The following ENOX1 variants were observed in gnomAD, a reference collection of about 807,000 sequenced individuals.
The protein encoded by ENOX1 is candidate growth-related and time keeping constitutive hydroquinone (NADH) oxidase.
Under a neutral mutation model 82.5 loss-of-function variants are expected in ENOX1, and 42 were observed. The observed-to-expected ratio is 0.51, with a 90% CI of 0.40 to 0.66. ENOX1 has a LOEUF of 0.66. ENOX1 is among the 30% of genes least tolerant of loss of function. ENOX1 has a pLI of 0.00. For synonymous variants in ENOX1, 271 were observed against 282.2 expected (o/e 0.96, Z 0.40); for missense variants, 608 against 811.6 (o/e 0.75, Z 3.05).
At chr13:43,248,185 G>A (rs909327849) in intron 14 of ENOX1, among the ~76,000 whole-genome samples, 4 of 151,452 alleles carry the variant, frequency 2.6e-5, no homozygotes, top group Non-Finnish European at 5.9e-5. Context: ...GCGCCCGGCC[G>A]CAACTTATAT....
chr13:43,785,861 G>A (rs1471340811), intron 1 of ENOX1, among the ~76,000 whole-genome samples: 1 of 152,190 alleles, frequency 6.6e-6, no homozygotes, highest in East Asian at 1.9e-4. Context: ...GGGGGAGGAC[G>A]TGGGGTGGTC....
chr13:43,477,550 G>A (rs1468907627), intron 3 of ENOX1, among the ~76,000 whole-genome samples: 2 of 152,152 alleles, frequency 1.3e-5, no homozygotes, highest in Admixed American at 6.5e-5. Context: ...GAGACTTACT[G>A]TAGAAGAAAA....
At chr13:43,615,934 T>C (rs2082390002) in intron 2 of ENOX1, among the ~76,000 whole-genome samples, 1 of 151,692 alleles carries the variant, frequency 6.6e-6, no homozygotes, top group Non-Finnish European at 1.5e-5. Context: ...GTCCTTTTTT[T>C]GTGGCTGCAT....
rs188765608 is a variant in ENOX1, at chr13:43,611,484, C to G, written c.-219+55995G>C. 9.9e-5 allele frequency among the ~76,000 whole-genome samples: 15 copies of G among 152,280 alleles called. No homozygotes were observed. The East Asian group carries it at 2.5e-3, about 25-fold the overall frequency. On this transcript the variant is annotated intron_variant, in intron 2 of 16. Coordinates refer to ENST00000690772, the MANE Select transcript of ENOX1 (RefSeq NM_001347969.2). ...AATCAAGTCACGACCCATGTAGTCT[C>G]AAAAGGCTACTTAGATGATGATGAA...
intron 3 of ENOX1, among the ~76,000 whole-genome samples, chr13:43,418,873 A>C (rs899083518): frequency 2.0e-5 from 3 of 152,220 alleles, no homozygotes; most frequent in Non-Finnish European, 4.4e-5. Flanking sequence ...ATAATGGGGC[A>C]AATATTTTTT....
chr13:43,371,988 G>A (rs2153568124), intron 5 of ENOX1, among the ~76,000 whole-genome samples: 1 of 152,122 alleles, frequency 6.6e-6, no homozygotes, highest in East Asian at 1.9e-4. Flanking sequence ...CTTATCTCAG[G>A]GTCCAACATG....
chr13:43,639,983 C>A (rs550040025), intron 2 of ENOX1, among the ~76,000 whole-genome samples: 1 of 152,062 alleles, frequency 6.6e-6, no homozygotes, highest in Admixed American at 6.6e-5. Context: ...GAGCTGAGAT[C>A]GCATCACTGC....
chr13:43,718,185 G>A (rs1336747503), intron 1 of ENOX1, among the ~76,000 whole-genome samples: 1 of 149,814 alleles, frequency 6.7e-6, no homozygotes, highest in Non-Finnish European at 1.5e-5. Flanking sequence ...TATGCACTAT[G>A]GAATACACTG....
intron 3 of ENOX1, among the ~76,000 whole-genome samples, chr13:43,413,326 A>G (rs1394045481): frequency 6.6e-6 from 1 of 152,160 alleles, no homozygotes; most frequent in African/African-American, 2.4e-5. Context: ...TTCCACACAC[A>G]CTACACATCA....
At chr13:43,596,377 T>A (rs1333183084) in intron 2 of ENOX1, among the ~76,000 whole-genome samples, 1 of 152,262 alleles carries the variant, frequency 6.6e-6, no homozygotes, top group Non-Finnish European at 1.5e-5. Flanking sequence ...AATACTCATA[T>A]GTAGAAAGTT....
At chr13:43,333,700 G>C (rs2048539531) in intron 9 of ENOX1, among the ~76,000 whole-genome samples, 1 of 152,204 alleles carries the variant, frequency 6.6e-6, no homozygotes, top group South Asian at 2.1e-4. Flanking sequence ...TCGGCTCACT[G>C]CAACCTCAGC....
At chr13:43,574,010 C>T (rs923422561) in intron 2 of ENOX1, among the ~76,000 whole-genome samples, 6 of 152,194 alleles carry the variant, frequency 3.9e-5, no homozygotes, top group Admixed American at 6.5e-5. Context: ...GTAAAATGTG[C>T]TAATTCTGTA....
At chr13:43,320,156 G>A (rs539974044) in intron 11 of ENOX1, among the ~76,000 whole-genome samples, 58 of 152,330 alleles carry the variant, frequency 3.8e-4, no homozygotes, top group South Asian at 3.3e-3. Context: ...TCAGGGCCCC[G>A]TGGAATAAAA....
intron 3 of ENOX1, among the ~76,000 whole-genome samples, chr13:43,430,444 C>T (rs1413432829): frequency 4.6e-5 from 7 of 152,174 alleles, no homozygotes; most frequent in Non-Finnish European, 7.4e-5. Flanking sequence ...TTTCTATTTC[C>T]ATTCATAATT....
At chr13:43,444,409 C>G (rs374002373) in intron 3 of ENOX1, among the ~76,000 whole-genome samples, 2 of 152,068 alleles carry the variant, frequency 1.3e-5, no homozygotes, top group Non-Finnish European at 2.9e-5. Flanking sequence ...TCACAGACGG[C>G]AAAGGAAGAG....
intron 8 of ENOX1, among the ~76,000 whole-genome samples, chr13:43,346,254 T>C (rs2049372560): frequency 6.6e-6 from 1 of 152,064 alleles, no homozygotes; most frequent in South Asian, 2.1e-4. Flanking sequence ...TGAACCTAAT[T>C]CAAGGTCCTA....
At chr13:43,416,285 G>A (rs144541485) in intron 3 of ENOX1, among the ~76,000 whole-genome samples, 3,607 of 19,754 alleles carry the variant, frequency 0.18, no homozygotes, top group Non-Finnish European at 0.24. Flanking sequence ...CGGGGCGGCC[G>A]GGCAGAGATG....
chr13:43,608,657 G>A (rs1420703957), intron 2 of ENOX1, among the ~76,000 whole-genome samples: 1 of 152,104 alleles, frequency 6.6e-6, no homozygotes, highest in Non-Finnish European at 1.5e-5. Context: ...GGTGGATGAG[G>A]GGCTGGATAG....
At chr13:43,746,152 TA>T (rs1332086303) in intron 1 of ENOX1, among the ~76,000 whole-genome samples, 1 of 152,094 alleles carries the variant, frequency 6.6e-6, no homozygotes, top group Admixed American at 6.6e-5. Context: ...TATATGAATA[TA>T]AACAACTATA....
Sources: gnomAD v4.1 joint callset for allele counts (sites outside exome capture counted in the v4.1 genomes callset) on GRCh38, gnomAD v4.1.1 for gene constraint, MANE v1.5 for transcripts, NCBI Gene and HGNC (gene_info 2026-07-23, HGNC 2026-07-21) for gene names.